Variants in RABGAP1L observed in about 807,000 individuals in gnomAD.
RABGAP1L encodes rab GTPase-activating protein 1-like.
A neutral mutation model predicts 137.7 loss-of-function variants in RABGAP1L; 63 were observed. The observed-to-expected ratio is 0.46, with a 90% confidence interval of 0.37 to 0.56. RABGAP1L has a LOEUF of 0.56. Among genes scored for constraint, RABGAP1L ranks in the 20% least tolerant of loss-of-function variants. The pLI is 0.00. For synonymous variants in RABGAP1L, 431 were observed against 433.7 expected, an observed-to-expected ratio of 0.99 and a Z score of 0.08; for missense variants, 1,095 against 1,244.0, an observed-to-expected ratio of 0.88 and a Z score of 1.80.
At chr1:174,724,644 A>G (rs1215543781) in intron 17 of RABGAP1L, among the ~76,000 whole-genome samples, 1 of 152,188 alleles carries the variant, frequency 6.6e-6, no homozygotes, top group Admixed American at 6.5e-5. Context: ...ATGTGCTGAC[A>G]CTGAAATAGT....
At chr1:174,665,427 T>TTGCCC (rs1676715013) in intron 14 of RABGAP1L, among the ~76,000 whole-genome samples, 1 of 145,124 alleles carries the variant, frequency 6.9e-6, no homozygotes, top group African/African-American at 2.8e-5. Context: ...CTGCCTCGCC[T>TTGCCC]CGCCCCGCCC....
chr1:174,928,986 T>C (rs991021041), intron 19 of RABGAP1L, among the ~76,000 whole-genome samples: 5 of 151,976 alleles, frequency 3.3e-5, no homozygotes, highest in African/African-American at 7.3e-5. Flanking sequence ...TTGGCTGTTA[T>C]GTTCTCACTC....
chr1:174,706,067 A>G (rs1680022414), intron 17 of RABGAP1L, among the ~76,000 whole-genome samples: 1 of 152,158 alleles, frequency 6.6e-6, no homozygotes, highest in Non-Finnish European at 1.5e-5. Flanking sequence ...TTGCAAAGTG[A>G]AAAAGAAAGA....
chr1:174,947,680 A>T (rs1197671388), intron 19 of RABGAP1L, among the ~76,000 whole-genome samples: 1 of 152,176 alleles, frequency 6.6e-6, no homozygotes, highest in Non-Finnish European at 1.5e-5. Flanking sequence ...TCAGCTTCCC[A>T]AAGTGCTGGG....
chr1:174,674,636 A>T (rs1322702275), intron 14 of RABGAP1L, among the ~76,000 whole-genome samples: 1 of 150,640 alleles, frequency 6.6e-6, no homozygotes, highest in Non-Finnish European at 1.5e-5. Context: ...TGGTATTTCT[A>T]GTTCTAGATC....
intron 1 of RABGAP1L, among the ~76,000 whole-genome samples, chr1:174,215,347 C>T (rs542111445): frequency 1.1e-4 from 16 of 151,890 alleles, no homozygotes; most frequent in African/African-American, 3.9e-4. Context: ...ATCCCAGCTA[C>T]TTGGGAGGCT....
At chr1:174,566,501 T>C (rs1029682076) in intron 13 of RABGAP1L, among the ~76,000 whole-genome samples, 19 of 152,284 alleles carry the variant, frequency 1.2e-4, no homozygotes, top group African/African-American at 3.8e-4. Context: ...AACTTATGAT[T>C]CCCTGTTAGG....
chr1:174,760,047 A>G lies in RABGAP1L; in HGVS notation c.2211+7693A>G, dbSNP rs79346941. On this transcript the variant is annotated intron_variant, in intron 18 of 25. Coordinates refer to ENST00000681986, the MANE Select transcript of RABGAP1L (RefSeq NM_001366446.1). ...TCATGCTGAGGTTTATGAAAGAGGT[A>G]GGTTTGAGAAGATGGTGGCTTGGAT... Among the ~76,000 whole-genome samples, 47 of 152,306 alleles carry G rather than the reference A, an allele frequency of 3.1e-4. No individual in the cohort carries two copies. The East Asian group carries it at 6.8e-3, about 22-fold the overall frequency.
At chr1:174,566,670 T>A (rs988965540) in intron 13 of RABGAP1L, among the ~76,000 whole-genome samples, 1 of 152,188 alleles carries the variant, frequency 6.6e-6, no homozygotes, top group Non-Finnish European at 1.5e-5. Flanking sequence ...TATTTGAGTC[T>A]TTGCGAGGCC....
intron 19 of RABGAP1L, among the ~76,000 whole-genome samples, chr1:174,910,297 A>G (rs1160716425): frequency 6.6e-6 from 1 of 152,234 alleles, no homozygotes; most frequent in African/African-American, 2.4e-5. Context: ...GATTATTTCA[A>G]TAGATGCCAA....
At chr1:174,176,487 A>T (rs1004764511) in intron 1 of RABGAP1L, among the ~76,000 whole-genome samples, 2 of 151,566 alleles carry the variant, frequency 1.3e-5, no homozygotes, top group African/African-American at 4.9e-5. Context: ...AGGCGGGCGG[A>T]TCGCTGGAGC....
intron 19 of RABGAP1L, chr1:174,874,388 A>T: frequency 1.2e-6 from 1 of 801,804 alleles, no homozygotes; most frequent in South Asian, 5.7e-5. Flanking sequence ...AACCTAGCGA[A>T]GTTAAATGAC....
chr1:174,310,371 A>G (rs1236161389), intron 11 of RABGAP1L, among the ~76,000 whole-genome samples: 4 of 152,184 alleles, frequency 2.6e-5, no homozygotes, highest in Non-Finnish European at 4.4e-5. Context: ...GTGGCCTAAC[A>G]TATGATCTGT....
intron 19 of RABGAP1L, among the ~76,000 whole-genome samples, chr1:174,827,685 T>TC (rs1019899474): frequency 6.8e-6 from 1 of 146,770 alleles, no homozygotes; most frequent in Admixed American, 6.8e-5. Context: ...CCTATTTTTT[T>TC]TTACAGCTCC....
intron 19 of RABGAP1L, among the ~76,000 whole-genome samples, chr1:174,893,323 G>A (rs1656583452): frequency 6.6e-6 from 1 of 152,176 alleles, no homozygotes; most frequent in Non-Finnish European, 1.5e-5. Context: ...TAGCCTGGCT[G>A]TGCGTGGATT....
At chr1:174,465,085 C>G (rs1657133898) in intron 13 of RABGAP1L, among the ~76,000 whole-genome samples, 1 of 152,130 alleles carries the variant, frequency 6.6e-6, no homozygotes, top group African/African-American at 2.4e-5. Context: ...ATAAGTCTCC[C>G]TTTATGATGT....
chr1:174,620,554 A>G (rs1312793797), intron 13 of RABGAP1L, among the ~76,000 whole-genome samples: 2 of 152,150 alleles, frequency 1.3e-5, no homozygotes, highest in Non-Finnish European at 2.9e-5. Context: ...TAACGAAATG[A>G]AGGCAGAAAT....
At chr1:174,935,783 A>G (rs1664671381) in intron 19 of RABGAP1L, among the ~76,000 whole-genome samples, 1 of 152,116 alleles carries the variant, frequency 6.6e-6, no homozygotes, top group Admixed American at 6.5e-5. Context: ...GGAGTTCGAG[A>G]TCAGCCTGGG....
At chr1:174,727,267 A>G (rs1682061649) in intron 17 of RABGAP1L, among the ~76,000 whole-genome samples, 1 of 152,210 alleles carries the variant, frequency 6.6e-6, no homozygotes, top group South Asian at 2.1e-4. Flanking sequence ...CTTTGTTAAG[A>G]ATCAGATTTC....
Sources: gnomAD v4.1 joint callset for allele counts (sites outside exome capture counted in the v4.1 genomes callset) on GRCh38, gnomAD v4.1.1 for gene constraint, MANE v1.5 for transcripts, NCBI Gene and HGNC (gene_info 2026-07-23, HGNC 2026-07-21) for gene names.